Variants in GNG12 observed in about 807,000 individuals in gnomAD.
GNG12 encodes guanine nucleotide-binding protein G(I)/G(S)/G(O) subunit gamma-12.
For synonymous variants in GNG12, 28 were observed against 29.7 expected (o/e 0.94, Z 0.19); for missense variants, 69 against 83.8 (o/e 0.82, Z 0.69).
chr1:67,794,495 T>C (rs1038268898), intron 1 of GNG12, among the ~76,000 whole-genome samples: 1 of 152,126 alleles, frequency 6.6e-6, no homozygotes, highest in Non-Finnish European at 1.5e-5. Flanking sequence ...ATGTCTCAAT[T>C]TAAAAAACTT....
At chr1:67,713,481 G>A (rs1353697857) in intron 2 of GNG12, among the ~76,000 whole-genome samples, 1 of 152,184 alleles carries the variant, frequency 6.6e-6, no homozygotes, top group Non-Finnish European at 1.5e-5. Flanking sequence ...GCCTGAAGCA[G>A]GGAGAGCAGG....
In GNG12 at chr1:67,825,160, A is replaced by G. The variant is rs114836291; in HGVS notation, c.-77+8184T>C. Among the ~76,000 whole-genome samples the G allele has an allele frequency of 4.0e-3, 606 of 152,342 alleles. 3 individuals are homozygous for G. The highest frequency in any genetic ancestry group is 7.3e-3 in the Non-Finnish European group (496 of 68,034). On this transcript the variant is annotated intron_variant, in intron 1 of 3. Coordinates refer to ENST00000370982, the MANE Select transcript of GNG12 (RefSeq NM_018841.6). ...TTTGTGTAATCAAATCATACTATAA[A>G]CACAACAGGTGAATTTGCTATTTAA...
Position 67,785,775 on chromosome 1 carries a change from A to C in GNG12, c.-76-8268T>G, listed in dbSNP as rs552752202. ...ACTTCTAATGCATTCTTAGGCTGGAAGTCTGCATTAGCCAAACGATACTAA... is the reference window on the plus strand; with the variant it reads ...ACTTCTAATGCATTCTTAGGCTGGACGTCTGCATTAGCCAAACGATACTAA... On this transcript the variant is annotated intron_variant, in intron 1 of 3. Coordinates refer to ENST00000370982, the MANE Select transcript of GNG12 (RefSeq NM_018841.6). Among the ~76,000 whole-genome samples the C allele has an allele frequency of 1.9e-4, 29 of 152,348 alleles. No individual in the cohort carries two copies. In the South Asian group the frequency reaches 5.6e-3, roughly 29 times the overall value.
intron 2 of GNG12, among the ~76,000 whole-genome samples, chr1:67,709,233 T>C (rs1646266998): frequency 6.6e-6 from 1 of 152,208 alleles, no homozygotes; most frequent in Non-Finnish European, 1.5e-5. Context: ...GACCAAGGCA[T>C]TCCATGAACT....
intron 2 of GNG12, among the ~76,000 whole-genome samples, chr1:67,735,533 C>T (rs1311832866): frequency 6.6e-6 from 1 of 152,180 alleles, no homozygotes; most frequent in Non-Finnish European, 1.5e-5. Context: ...GGAGTGGCAA[C>T]AGTCTCTACA....
At chr1:67,717,341 C>T (rs1283966194) in intron 2 of GNG12, among the ~76,000 whole-genome samples, 1 of 151,966 alleles carries the variant, frequency 6.6e-6, no homozygotes, top group Non-Finnish European at 1.5e-5. Context: ...ATGGCCAAAC[C>T]CTGTCTCTAC....
chr1:67,763,030 A>T (rs1307753741), intron 2 of GNG12, among the ~76,000 whole-genome samples: 2 of 150,506 alleles, frequency 1.3e-5, no homozygotes, highest in Admixed American at 6.7e-5. Context: ...GTCGCAAAGC[A>T]CCCAGATTTG....
chr1:67,767,473 A>C (rs1468913460), intron 2 of GNG12, among the ~76,000 whole-genome samples: 1 of 152,172 alleles, frequency 6.6e-6, no homozygotes, highest in Non-Finnish European at 1.5e-5. Flanking sequence ...AGTCTCAGTA[A>C]CCAGTTTGGG....
At chr1:67,787,571 G>A (rs78927480) in intron 1 of GNG12, among the ~76,000 whole-genome samples, 11 of 152,304 alleles carry the variant, frequency 7.2e-5, no homozygotes, top group Non-Finnish European at 1.3e-4. Flanking sequence ...AAAGAGCACT[G>A]ACAGGGGGGA....
chr1:67,722,585 T>C (rs1646362176), intron 2 of GNG12, among the ~76,000 whole-genome samples: 2 of 147,134 alleles, frequency 1.4e-5, no homozygotes, highest in South Asian at 4.3e-4. Flanking sequence ...AATGAGTCAA[T>C]CCTTGAAGGG....
At chr1:67,827,435 T>A (rs902981358) in intron 1 of GNG12, among the ~76,000 whole-genome samples, 2 of 151,512 alleles carry the variant, frequency 1.3e-5, no homozygotes, top group East Asian at 1.9e-4. Flanking sequence ...TTTTTTTTTT[T>A]ATTTTTTTAA....
intron 1 of GNG12, among the ~76,000 whole-genome samples, chr1:67,795,062 C>T (rs919880865): frequency 2.0e-5 from 3 of 152,216 alleles, no homozygotes; most frequent in African/African-American, 7.2e-5. Flanking sequence ...AGAACCTAGT[C>T]TACAAGTGTA....
chr1:67,745,275 C>A (rs1646501923), intron 2 of GNG12, among the ~76,000 whole-genome samples: 1 of 152,218 alleles, frequency 6.6e-6, no homozygotes, highest in Non-Finnish European at 1.5e-5. Flanking sequence ...ACCACAAACA[C>A]TGTTGTGGGA....
chr1:67,706,490 G>C (rs919381587), intron 3 of GNG12, among the ~76,000 whole-genome samples: 5 of 152,044 alleles, frequency 3.3e-5, no homozygotes, highest in Admixed American at 1.3e-4. Flanking sequence ...AGTCTGGGAG[G>C]GAGATCCTAC....
At position 67,703,426 on chromosome 1, in the gene GNG12, TATAA is replaced by T. The variant is rs1417137959; in HGVS notation, c.*2021_*2024del. On this transcript the variant is annotated 3_prime_UTR_variant, in exon 4 of 4. Transcript: ENST00000370982. ...GAAAATATTTTGAAAGAAGCTACAT[TATAA>T]ATATTTAAAGAAACGTTAAAAATCA... is the stretch of plus-strand genomic sequence containing the variant. 5.3e-5 allele frequency: 8 copies of T among 152,170 alleles called. No individual in the cohort carries two copies. Among genetic ancestry groups the T allele is most frequent in the African/African-American group, 1.7e-4 (7 of 41,432 alleles). 9.4% of individuals were successfully genotyped at this position (152,170 alleles called of 1,614,324 possible).
chr1:67,821,706 T>A (rs1482650455), intron 1 of GNG12, among the ~76,000 whole-genome samples: 2 of 152,196 alleles, frequency 1.3e-5, no homozygotes, highest in Non-Finnish European at 2.9e-5. Flanking sequence ...TGGTAATTTG[T>A]TATAGCGGCC....
At chr1:67,796,943 C>A (rs1646834651) in intron 1 of GNG12, among the ~76,000 whole-genome samples, 1 of 152,166 alleles carries the variant, frequency 6.6e-6, no homozygotes, top group Non-Finnish European at 1.5e-5. Flanking sequence ...GTGAGCCAGA[C>A]AGCAAGAGAG....
chr1:67,794,884 T>C (rs1018411057), intron 1 of GNG12, among the ~76,000 whole-genome samples: 2 of 152,116 alleles, frequency 1.3e-5, no homozygotes, highest in African/African-American at 4.8e-5. Context: ...CATCCAACCA[T>C]CCACCCACCT....
At chr1:67,710,406 A>G (rs1160991738) in intron 2 of GNG12, among the ~76,000 whole-genome samples, 1 of 150,696 alleles carries the variant, frequency 6.6e-6, no homozygotes, top group African/African-American at 2.4e-5. Context: ...TTGCATGAGG[A>G]TAAGGTCAAG....
Sources: allele counts gnomAD v4.1 joint callset (sites outside exome capture counted in the v4.1 genomes callset), GRCh38; gene constraint gnomAD v4.1.1; transcripts MANE v1.5; gene names NCBI Gene and HGNC (gene_info 2026-07-23, HGNC 2026-07-21).